Variants in UBE4B observed in about 807,000 individuals in gnomAD.
UBE4B encodes ubiquitin conjugation factor E4 B.
Under a neutral mutation model 148.1 loss-of-function variants are expected in UBE4B, and 27 were observed. The ratio of observed to expected loss-of-function variants is 0.18; its 90% confidence interval spans 0.13 to 0.25. The LOEUF (loss-of-function observed/expected upper bound fraction) is 0.25, where lower values mean the gene tolerates loss of function less well. Among genes scored for constraint, UBE4B ranks in the 10% least tolerant of loss-of-function variants. The pLI is 1.00. For missense variants in UBE4B, 1,170 were observed against 1,662.4 expected, an observed-to-expected ratio of 0.70 and a Z score of 5.15; for synonymous variants, 596 against 619.3, an observed-to-expected ratio of 0.96 and a Z score of 0.56.
chr1:10,169,122 A>G (rs1415207245), intron 24 of UBE4B, among the ~76,000 whole-genome samples: 3 of 152,126 alleles, frequency 2.0e-5, no homozygotes, highest in African/African-American at 7.2e-5. Context: ...TCCTATTTCT[A>G]AAATTGAAAC....
At position 10,151,514 on chromosome 1, in the gene UBE4B, C is replaced by G. The variant is rs750564902; in HGVS notation, c.2879C>G (p.Pro960Arg). Residue 960 changes from proline (P) to arginine (R), a missense_variant, in exon 21 of 28, where the codon CCT (proline) becomes CGT (arginine). Pro to Arg is a moderately radical substitution (Grantham distance 103, BLOSUM62 -2). Transcript: ENST00000343090. ...QKFFEMIENH[P>R]LSTKLLVPSL... is the part of the protein sequence containing the mutation. ...TTTTTTGAAATGATTGAGAACCATC[C>G]TCTCTCCACCAAGTTGTTGGTACCT... 8 of 1,613,988 alleles carry G rather than the reference C, an allele frequency of 5.0e-6. No individual in the cohort carries two copies. Among genetic ancestry groups the G allele is most frequent in the Non-Finnish European group, 6.8e-6 (8 of 1,180,026 alleles).
In UBE4B at chr1:10,151,344, T is replaced by G; in HGVS notation, c.2709T>G (p.Leu903=). 1.2e-6 allele frequency: 2 copies of G among 1,614,058 alleles called. No individual in the cohort carries two copies. Among genetic ancestry groups the G allele is most frequent in the Non-Finnish European group, 1.7e-6 (2 of 1,180,012 alleles). ...TGTTCAGATACTCTCCCCAGGCGCT[T>G]TATGAGCCCTGTACTCAGGATATTG... The part of the protein sequence containing the change: ...FFIVQYSPQA[L]YEPCTQDIVM... The change falls in exon 21 of 28, where the codon CTT becomes CTG. Residue 903 remains leucine, a synonymous_variant. Coordinates refer to ENST00000343090, the MANE Select transcript of UBE4B (RefSeq NM_001105562.3).
chr1:10,053,400 C>T (rs543049492), intron 1 of UBE4B, among the ~76,000 whole-genome samples: 14 of 152,210 alleles, frequency 9.2e-5, no homozygotes, highest in Admixed American at 7.9e-4. Context: ...CCACCCGCCT[C>T]AGCCTCCCAA....
At chr1:10,055,009 C>T (rs1219731635) in intron 1 of UBE4B, among the ~76,000 whole-genome samples, 2 of 152,084 alleles carry the variant, frequency 1.3e-5, no homozygotes, top group Non-Finnish European at 2.9e-5. Context: ...TGGGCTTGAA[C>T]TCCGGACCTC....
chr1:10,162,605 G>A (rs1446747105), intron 23 of UBE4B, among the ~76,000 whole-genome samples: 1 of 142,564 alleles, frequency 7.0e-6, no homozygotes, highest in Non-Finnish European at 1.5e-5. Context: ...ACCGCGCCCA[G>A]ACTTTTTTTT....
intron 25 of UBE4B, among the ~76,000 whole-genome samples, chr1:10,175,511 C>T (rs7549318): frequency 0.48 from 72,367 of 149,486 alleles, 20,756 homozygotes; most frequent in African/African-American, 0.81. Flanking sequence ...ATTAGCCAGG[C>T]GTGGTGGCGG....
chr1:10,173,904 A>G (rs535027388), intron 25 of UBE4B, among the ~76,000 whole-genome samples: 1 of 152,308 alleles, frequency 6.6e-6, no homozygotes, highest in African/African-American at 2.4e-5. Context: ...TTGTTTGGTG[A>G]CCAACCACAC....
chr1:10,081,402 C>T (rs1644678316), intron 2 of UBE4B, among the ~76,000 whole-genome samples: 1 of 151,634 alleles, frequency 6.6e-6, no homozygotes, highest in South Asian at 2.1e-4. Context: ...GGAACAACAT[C>T]CTTCCATATC....
Position 10,179,892 on chromosome 1 carries a change from C to T in UBE4B, c.3848-3C>T. 2 of 1,613,340 alleles carry T rather than the reference C, an allele frequency of 1.2e-6. No homozygotes were observed. Among genetic ancestry groups the T allele is most frequent in the Non-Finnish European group, 1.7e-6 (2 of 1,179,880 alleles). On this transcript the variant is annotated splice_polypyrimidine_tract_variant and splice_region_variant and intron_variant, in intron 27 of 27. Coordinates refer to ENST00000343090, the MANE Select transcript of UBE4B (RefSeq NM_001105562.3). ...ATTAATCCTCCTTTTTTTCTTTTCT[C>T]AGTGCCAGAACTGAAAGAGCAGATT...
intron 1 of UBE4B, among the ~76,000 whole-genome samples, chr1:10,054,064 A>AT (rs199770696): frequency 1.2e-4 from 18 of 151,638 alleles, no homozygotes; most frequent in African/African-American, 2.2e-4. Flanking sequence ...GAAATATTAG[A>AT]TTTTTTTTAA....
intron 2 of UBE4B, among the ~76,000 whole-genome samples, chr1:10,073,721 A>AAAC (rs199512231): frequency 0.013 from 1,957 of 151,782 alleles, 24 homozygotes; most frequent in African/African-American, 0.032. Flanking sequence ...TCTGTCTCAA[A>AAAC]AACAACAACA....
chr1:10,076,127 T>TTG (rs1411833190), intron 2 of UBE4B, among the ~76,000 whole-genome samples: 1 of 152,144 alleles, frequency 6.6e-6, no homozygotes. Context: ...AGGTGATGGC[T>TTG]TGTGTTTATT....
At chr1:10,150,862 G>GA (rs751799095) in intron 20 of UBE4B, among the ~76,000 whole-genome samples, 2,477 of 107,444 alleles carry the variant, frequency 0.023, 46 homozygotes, top group African/African-American at 0.061. Context: ...TCCATCTCAA[G>GA]AAAAAAAAAA....
At chr1:10,130,476 C>G in intron 12 of UBE4B, 24 bp from the exon 13 acceptor site, 1 of 1,605,266 alleles carries the variant, frequency 6.2e-7, no homozygotes, top group South Asian at 1.1e-5. Flanking sequence ...AGCGGCTTGA[C>G]TGGCTCTTCC....
chr1:10,086,874 G>A (rs1350592725), intron 2 of UBE4B, among the ~76,000 whole-genome samples: 2 of 152,104 alleles, frequency 1.3e-5, no homozygotes, highest in Non-Finnish European at 2.9e-5. Context: ...AATTTTAGTA[G>A]ACACAGGGTT....
At chr1:10,176,823 T>C (rs566055201) in intron 25 of UBE4B, among the ~76,000 whole-genome samples, 15 of 149,834 alleles carry the variant, frequency 1.0e-4, no homozygotes, top group African/African-American at 3.7e-4. Context: ...TCTCCCTCTG[T>C]TGCCCAGGCT....
At chr1:10,044,123 C>A (rs557921515) in intron 1 of UBE4B, among the ~76,000 whole-genome samples, 1 of 152,190 alleles carries the variant, frequency 6.6e-6, no homozygotes, top group East Asian at 1.9e-4. Context: ...ACTGCAACCT[C>A]CACCTGCCAG....
chr1:10,108,229 G>T (rs1157728812), intron 7 of UBE4B, among the ~76,000 whole-genome samples: 1 of 143,596 alleles, frequency 7.0e-6, no homozygotes, highest in Non-Finnish European at 1.5e-5. Flanking sequence ...CCCCCATTGA[G>T]CTCAGTCTGG....
At chr1:10,167,048 C>T (rs1024381505) in intron 23 of UBE4B, among the ~76,000 whole-genome samples, 1 of 152,058 alleles carries the variant, frequency 6.6e-6, no homozygotes, top group African/African-American at 2.4e-5. Flanking sequence ...ATGAGAATCA[C>T]TTGAACCTGG....
Sources: allele counts gnomAD v4.1 joint callset (sites outside exome capture counted in the v4.1 genomes callset), GRCh38; gene constraint gnomAD v4.1.1; transcripts MANE v1.5; gene names NCBI Gene and HGNC (gene_info 2026-07-23, HGNC 2026-07-21).